APPBP2: variants seen among roughly 807,000 people sequenced by gnomAD.
APPBP2 encodes amyloid beta precursor protein binding protein 2.
A neutral mutation model predicts 76.0 loss-of-function variants in APPBP2; 15 were observed. The observed-to-expected ratio is 0.20, with a 90% confidence interval of 0.13 to 0.30. The LOEUF (loss-of-function observed/expected upper bound fraction) is 0.30, where lower values mean the gene tolerates loss of function less well. APPBP2 is among the 10% of genes least tolerant of loss of function. APPBP2 has a pLI of 1.00. For synonymous variants in APPBP2, 222 were observed against 242.2 expected (o/e 0.92, Z 0.77); for missense variants, 401 against 687.2 (o/e 0.58, Z 4.66).
At chr17:60,512,959 T>G (rs2090928376) in intron 1 of APPBP2, among the ~76,000 whole-genome samples, 1 of 98,094 alleles carries the variant, frequency 1.0e-5, no homozygotes, top group Admixed American at 8.8e-5. Flanking sequence ...TTTCTTTTCC[T>G]TTTTTTTTTT....
At chr17:60,472,975 T>G (rs1283090132) in intron 4 of APPBP2, among the ~76,000 whole-genome samples, 4 of 152,208 alleles carry the variant, frequency 2.6e-5, no homozygotes, top group Non-Finnish European at 4.4e-5. Context: ...TCCTTATTGT[T>G]AGTATTATTG....
chr17:60,519,778 ATTTTTTTTTTTTT>A (rs748167583), intron 1 of APPBP2, among the ~76,000 whole-genome samples: 4 of 117,856 alleles, frequency 3.4e-5, no homozygotes, highest in African/African-American at 3.7e-5. Context: ...GCCAAATTTA[ATTTTTTTTTTTTT>A]TTTTTTTTTT....
chr17:60,525,989 C>A lies in APPBP2; in HGVS notation c.-58G>T. On this transcript the variant is annotated 5_prime_UTR_variant, in exon 1 of 13. It adds an upstream start codon to the 5' untranslated region. Coordinates refer to ENST00000083182, the MANE Select transcript of APPBP2 (RefSeq NM_006380.5). ...CCTCCTCCCGAAGGCCCCCACCTCC[C>A]TCCGTAGCGAACCCCTCTGCGGCCC... 1 of 1,508,298 alleles carries A rather than the reference C, an allele frequency of 6.6e-7. No individual in the cohort carries two copies. Among genetic ancestry groups the A allele is most frequent in the East Asian group, 2.4e-5 (1 of 40,872 alleles). The allele number at this position is 1,508,298 out of a possible 1,614,324, so 93.4% of individuals were successfully genotyped here.
intron 9 of APPBP2, among the ~76,000 whole-genome samples, chr17:60,458,306 T>C (rs895825757): frequency 6.6e-6 from 1 of 152,008 alleles, no homozygotes; most frequent in Non-Finnish European, 1.5e-5. Flanking sequence ...TGGTGGCGTG[T>C]GCCTGTAATT....
chr17:60,479,293 A>G, intron 3 of APPBP2, 22 bp from the exon 4 acceptor site: 1 of 1,583,046 alleles, frequency 6.3e-7, no homozygotes, highest in Non-Finnish European at 8.5e-7. Context: ...AGAAACACCA[A>G]TTTTAGAAAA....
At chr17:60,513,219 G>A (rs1598375226) in intron 1 of APPBP2, 2 of 381,102 alleles carry the variant, frequency 5.2e-6, no homozygotes, top group South Asian at 3.6e-5. Flanking sequence ...GCGAGCATTC[G>A]ACTTCCACCT....
chr17:60,447,409 G>T lies in APPBP2; in HGVS notation c.*172C>A. The T allele has an allele frequency of 3.1e-6, 2 of 644,546 alleles. No homozygotes were observed. The highest frequency in any genetic ancestry group is 5.1e-6 in the Non-Finnish European group (2 of 390,242). 39.9% of individuals were successfully genotyped at this position (644,546 alleles called of 1,614,324 possible). A position where few individuals can be genotyped will look rare whatever the true frequency, so the allele number is the denominator to read the frequency against. On this transcript the variant is annotated 3_prime_UTR_variant, in exon 13 of 13. Coordinates refer to ENST00000083182, the MANE Select transcript of APPBP2 (RefSeq NM_006380.5). ...ACATGCTGAATATAACTGAATATAT[G>T]CTTATTCCTACAGACATTCTGCAAG...
At chr17:60,455,143 A>C (rs75764271) in intron 10 of APPBP2, among the ~76,000 whole-genome samples, 2 of 152,222 alleles carry the variant, frequency 1.3e-5, no homozygotes, top group African/African-American at 4.8e-5. Flanking sequence ...AAAAATAATT[A>C]TAAGAGTCAA....
chr17:60,488,023 C>T (rs1471438798), intron 3 of APPBP2, among the ~76,000 whole-genome samples: 4 of 152,204 alleles, frequency 2.6e-5, no homozygotes, highest in Admixed American at 6.5e-5. Context: ...GTATCACCAG[C>T]GAAAGCTGCA....
chr17:60,476,526 T>C (rs2090592290), intron 4 of APPBP2, among the ~76,000 whole-genome samples: 1 of 152,094 alleles, frequency 6.6e-6, no homozygotes, highest in Admixed American at 6.5e-5. Flanking sequence ...TTATTATAAA[T>C]AAATTATATT....
intron 9 of APPBP2, 91 bp from the exon 10 acceptor site, chr17:60,456,472 TAGAA>T (rs1488958024): frequency 7.3e-6 from 6 of 818,378 alleles, no homozygotes; most frequent in Non-Finnish European, 1.2e-5. Flanking sequence ...ATAATATTGA[TAGAA>T]AGTACTTCTA....
At chr17:60,494,985 T>G (rs888088088) in intron 2 of APPBP2, among the ~76,000 whole-genome samples, 13 of 106,442 alleles carry the variant, frequency 1.2e-4, no homozygotes, top group Non-Finnish European at 2.3e-4. Flanking sequence ...TTTTGTTTTG[T>G]TTTTTTTTTT....
chr17:60,450,392 C>T (rs886676537), intron 12 of APPBP2, among the ~76,000 whole-genome samples: 7 of 150,276 alleles, frequency 4.7e-5, no homozygotes, highest in South Asian at 2.1e-4. Context: ...AAGCCGAGAT[C>T]GCGCCACTGC....
intron 1 of APPBP2, among the ~76,000 whole-genome samples, chr17:60,523,476 C>T (rs2091026602): frequency 6.6e-6 from 1 of 151,974 alleles, no homozygotes; most frequent in South Asian, 2.1e-4. Context: ...GCCTGGGCAA[C>T]AGAGCAAGAT....
At position 60,452,040 on chromosome 17, in the gene APPBP2, A is replaced by G. The variant is rs7212360; in HGVS notation, c.1344T>C (p.Ala448=). 16,543 of 1,611,604 alleles carry G rather than the reference A, an allele frequency of 0.01. 1,424 individuals carry two copies. The African/African-American group carries it at 0.19, about 19-fold the overall frequency. ...LYQSMRKFKE[A]EEMHIKAIQI... The stretch of plus-strand genomic sequence containing the variant: ...GAATTGCTTTGATGTGCATTTCTTC[A>G]GCTTCCTGAAAAACAATTATGCCAT... Residue 448 remains alanine (A), a synonymous_variant, in exon 12 of 13, where the codon GCT becomes GCC. Transcript: ENST00000083182.
rs2090431420 is a variant in APPBP2, at chr17:60,456,367, C to T, written c.1076G>A (p.Arg359Lys). 2 of 1,606,328 alleles carry T rather than the reference C, an allele frequency of 1.2e-6. No individual in the cohort carries two copies. Among genetic ancestry groups the T allele is most frequent in the African/African-American group, 2.7e-5 (2 of 74,742 alleles). The change falls in exon 10 of 13, where the codon AGA (arginine) becomes AAA (lysine). Residue 359 changes from arginine (R) to lysine (K), a missense_variant. Physicochemically the swap from Arg to Lys is conservative, Grantham distance 26. This residue lies in a region of APPBP2 where 130 missense variants were observed against 322.7 expected (regional missense o/e 0.40). Transcript: ENST00000083182. ...GATGTGGGTAATGATACCAATAGCT[C>T]TTTCTGCATGAAATCTGTAATACAG... is the stretch of plus-strand genomic sequence containing the variant. ...KFDNALFHAE[R>K]AIGIITHILP...
chr17:60,517,319 T>C (rs2090971015), intron 1 of APPBP2, among the ~76,000 whole-genome samples: 1 of 152,220 alleles, frequency 6.6e-6, no homozygotes, highest in Non-Finnish European at 1.5e-5. Context: ...AGGTGTACAA[T>C]GAGTCCTTTG....
chr17:60,522,586 G>A (rs1270918879), intron 1 of APPBP2, among the ~76,000 whole-genome samples: 5 of 152,162 alleles, frequency 3.3e-5, no homozygotes, highest in Non-Finnish European at 5.9e-5. Flanking sequence ...TTCCCAAAGT[G>A]TTGGAATTAT....
chr17:60,519,501 A>T (rs928420857), intron 1 of APPBP2, among the ~76,000 whole-genome samples: 10 of 149,634 alleles, frequency 6.7e-5, no homozygotes, highest in African/African-American at 9.8e-5. Context: ...AAAGGAGAAA[A>T]TTTTTTTTTT....
Sources: allele counts gnomAD v4.1 joint callset (sites outside exome capture counted in the v4.1 genomes callset), GRCh38; gene constraint gnomAD v4.1.1; regional missense constraint gnomAD v4.1.1; transcripts MANE v1.5; gene names NCBI Gene and HGNC (gene_info 2026-07-23, HGNC 2026-07-21).